Variants in JMJD1C observed in about 807,000 individuals in gnomAD.
The protein encoded by JMJD1C is jumonji domain-containing protein 1C.
In JMJD1C, 31 loss-of-function variants were observed where a neutral mutation model predicts 245.3. The ratio of observed to expected loss-of-function variants is 0.13; its 90% CI spans 0.09 to 0.17. The LOEUF (loss-of-function observed/expected upper bound fraction) is 0.17. JMJD1C is among the 10% of genes least tolerant of loss of function. The pLI is 1.00. For synonymous variants in JMJD1C, 1,057 were observed against 1,017.4 expected (o/e 1.04, Z -0.74); for missense variants, 2,691 against 3,000.2 (o/e 0.90, Z 2.41).
At chr10:63,386,902 C>T (rs139697900) in intron 1 of JMJD1C, among the ~76,000 whole-genome samples, 76 of 152,278 alleles carry the variant, frequency 5.0e-4, no homozygotes, top group Middle Eastern at 3.4e-3. Flanking sequence ...TGGCAGCATA[C>T]GCCACACTGA....
chr10:63,371,018 C>T (rs1946270505), intron 2 of JMJD1C, among the ~76,000 whole-genome samples: 1 of 152,106 alleles, frequency 6.6e-6, no homozygotes, highest in African/African-American at 2.4e-5. Context: ...TGCTCCATTG[C>T]CCAGGCTGGA....
chr10:63,410,679 C>T (rs1949425841), intron 1 of JMJD1C, among the ~76,000 whole-genome samples: 1 of 152,062 alleles, frequency 6.6e-6, no homozygotes, highest in African/African-American at 2.4e-5. Context: ...TGAGCCCAAA[C>T]CAGTAATTTT....
chr10:63,462,749 TG>T (rs1251347449), intron 1 of JMJD1C, among the ~76,000 whole-genome samples: 3 of 152,130 alleles, frequency 2.0e-5, no homozygotes, highest in African/African-American at 4.8e-5. Flanking sequence ...GGAAAGAAAA[TG>T]GATCTCTCCT....
chr10:63,300,816 C>T (rs1051335518), intron 2 of JMJD1C, among the ~76,000 whole-genome samples: 5 of 150,804 alleles, frequency 3.3e-5, no homozygotes, highest in Non-Finnish European at 4.4e-5. Flanking sequence ...CACTCGAACC[C>T]GGGAGAAAGG....
chr10:63,348,193 G>A (rs890391399), intron 2 of JMJD1C, among the ~76,000 whole-genome samples: 6 of 113,556 alleles, frequency 5.3e-5, no homozygotes, highest in East Asian at 2.3e-4. Flanking sequence ...GGGACAGAGC[G>A]AGACTTCATC....
intron 1 of JMJD1C, among the ~76,000 whole-genome samples, chr10:63,414,853 G>A (rs1453670738): frequency 1.3e-5 from 2 of 150,836 alleles, no homozygotes; most frequent in African/African-American, 2.4e-5. Context: ...GCTGCAGTGA[G>A]CTGAGATCAG....
At chr10:63,339,187 G>T (rs1003912725) in intron 2 of JMJD1C, among the ~76,000 whole-genome samples, 1 of 152,158 alleles carries the variant, frequency 6.6e-6, no homozygotes, top group Non-Finnish European at 1.5e-5. Context: ...CAATGTAAAG[G>T]AGCAAAATAA....
chr10:63,521,310 T>TGGCCGGCTAGGCTGCCGGG (rs1955222181), intron 1 of JMJD1C: 1 of 86 alleles, frequency 0.012, no homozygotes, highest in South Asian at 0.17. Context: ...AGGGGCGGGG[T>TGGCCGGCTAGGCTGCCGGG]GCTGTCCGGA....
chr10:63,457,546 A>C (rs780375460), intron 1 of JMJD1C, among the ~76,000 whole-genome samples: 10 of 152,184 alleles, frequency 6.6e-5, no homozygotes, highest in Non-Finnish European at 1.5e-4. Context: ...AACAGTAAGC[A>C]AAGGACTGAA....
chr10:63,467,581 G>T (rs956865831), upstream of JMJD1C, among the ~76,000 whole-genome samples: 3 of 152,152 alleles, frequency 2.0e-5, no homozygotes, highest in African/African-American at 7.2e-5. Context: ...AATGCATATC[G>T]GCAAGTTGAG....
intron 3 of JMJD1C, among the ~76,000 whole-genome samples, chr10:63,258,529 G>C (rs991637981): frequency 1.3e-5 from 2 of 152,064 alleles, no homozygotes; most frequent in African/African-American, 2.4e-5. Context: ...CTTTAGCTAA[G>C]CTGACATTCT....
intron 2 of JMJD1C, among the ~76,000 whole-genome samples, chr10:63,312,314 G>C (rs1447519098): frequency 6.6e-6 from 1 of 151,870 alleles, no homozygotes; most frequent in African/African-American, 2.4e-5. Context: ...CTCCATGTTG[G>C]TCAGCCTGGT....
chr10:63,427,883 C>A lies in JMJD1C; in HGVS notation c.168+37612G>T, dbSNP rs1452364358. ...CAGGCAAAGGAGATGGCACTGGCAG[C>A]TACAGAGAAGGCAAGGACCTCACCA... On this transcript the variant is annotated intron_variant, in intron 1 of 25. Transcript: ENST00000399262. The A allele has an allele frequency of 1.3e-4, 100 of 783,812 alleles. No homozygotes were observed. In the East Asian group the frequency reaches 2.5e-3, roughly 20 times the overall value. The allele number at this position is 783,812 out of a possible 1,614,324, so 48.6% of individuals were successfully genotyped here. A position where few individuals can be genotyped will look rare whatever the true frequency, so the allele number is the denominator to read the frequency against.
In JMJD1C at chr10:63,198,494, T is replaced by C; in HGVS notation, c.5491+19A>G. 1 of 1,458,042 alleles carries C rather than the reference T, an allele frequency of 6.9e-7. No homozygotes were observed. The highest frequency in any genetic ancestry group is 9.4e-7 in the Non-Finnish European group (1 of 1,058,638). 90.3% of individuals were successfully genotyped at this position (1,458,042 alleles called of 1,614,324 possible). On this transcript the variant is annotated intron_variant, in intron 12 of 25. Coordinates refer to ENST00000399262, the MANE Select transcript of JMJD1C (RefSeq NM_032776.3). ...TAAAATGAAATTTGTGCAGTTCATG[T>C]TATATTTAACTTCCTTACCATCCTT...
At chr10:63,229,148 T>C (rs188765268) in intron 3 of JMJD1C, among the ~76,000 whole-genome samples, 43 of 152,172 alleles carry the variant, frequency 2.8e-4, no homozygotes, top group South Asian at 1.5e-3. Context: ...TGAGTACATA[T>C]AAATATAAAT....
chr10:63,450,061 TGTGATTGTG>T (rs1951947488), intron 1 of JMJD1C, among the ~76,000 whole-genome samples: 1 of 152,074 alleles, frequency 6.6e-6, no homozygotes, highest in African/African-American at 2.4e-5. Flanking sequence ...TACAATGAGC[TGTGATTGTG>T]CCACTGCACT....
chr10:63,295,896 T>C (rs1473393022), intron 2 of JMJD1C, among the ~76,000 whole-genome samples: 6 of 149,958 alleles, frequency 4.0e-5, no homozygotes, highest in Admixed American at 4.0e-4. Context: ...TGTATATATA[T>C]ATACATGAAT....
At position 63,458,803 on chromosome 10, in the gene JMJD1C, A is replaced by G. The variant is rs367584200; in HGVS notation, c.168+6692T>C. Among the ~76,000 whole-genome samples the G allele has an allele frequency of 2.0e-5, 3 of 151,610 alleles. No homozygotes were observed. In the South Asian group the frequency reaches 6.2e-4, roughly 32 times the overall value. On this transcript the variant is annotated intron_variant, in intron 1 of 25. Coordinates refer to ENST00000399262, the MANE Select transcript of JMJD1C (RefSeq NM_032776.3). ...CAGTGGCATGATCATGGCTCAATGC[A>G]GCCTTGACCTCTCAGGCTCAAGCCA...
intron 2 of JMJD1C, among the ~76,000 whole-genome samples, chr10:63,330,218 G>A (rs1257850063): frequency 6.6e-6 from 1 of 152,094 alleles, no homozygotes; most frequent in African/African-American, 2.4e-5. Flanking sequence ...ACGTTTAAAG[G>A]TAGGCTACAC....
Sources: allele counts gnomAD v4.1 joint callset (sites outside exome capture counted in the v4.1 genomes callset), GRCh38; gene constraint gnomAD v4.1.1; transcripts MANE v1.5; gene names NCBI Gene and HGNC (gene_info 2026-07-23, HGNC 2026-07-21).